VPS13D: variants seen among roughly 807,000 people sequenced by gnomAD.
VPS13D encodes the protein vacuolar protein sorting 13 homolog D.
VPS13D carries 187 observed loss-of-function variants against 461.9 expected under a neutral mutation model. The ratio of observed to expected loss-of-function variants is 0.40; its 90% confidence interval spans 0.36 to 0.46. The LOEUF is 0.46. VPS13D is among the 20% of genes least tolerant of loss of function. VPS13D has a pLI of 0.60. For synonymous variants in VPS13D, 1,951 were observed against 1,986.3 expected (o/e 0.98, Z 0.47); for missense variants, 4,711 against 5,364.9 (o/e 0.88, Z 3.81).
intron 17 of VPS13D, among the ~76,000 whole-genome samples, chr1:12,272,681 A>G (rs571035681): frequency 9.2e-5 from 14 of 152,248 alleles, no homozygotes; most frequent in South Asian, 2.1e-4. Context: ...TTAGAATTCT[A>G]TGTTTATTTG....
intron 65 of VPS13D, among the ~76,000 whole-genome samples, chr1:12,440,397 C>T (rs923588950): frequency 1.1e-4 from 17 of 151,944 alleles, no homozygotes; most frequent in African/African-American, 1.2e-4. Flanking sequence ...AGCTTGAATG[C>T]GAGGGAAAGC....
intron 21 of VPS13D, among the ~76,000 whole-genome samples, chr1:12,287,792 C>T (rs1190877096): frequency 1.3e-5 from 2 of 152,002 alleles, no homozygotes; most frequent in African/African-American, 4.8e-5. Context: ...TGGTGGGCTT[C>T]TATTAAATAT....
At chr1:12,421,467 A>G (rs949379725) in intron 65 of VPS13D, among the ~76,000 whole-genome samples, 14 of 152,214 alleles carry the variant, frequency 9.2e-5, no homozygotes, top group Middle Eastern at 3.2e-3. Context: ...TATCTGCAAG[A>G]CACTCTAACA....
Position 12,282,829 on chromosome 1 carries a change from C to G in VPS13D, c.4727C>G (p.Pro1576Arg), listed in dbSNP as rs745601161. 1.9e-6 allele frequency: 3 copies of G among 1,614,176 alleles called. No individual in the cohort carries two copies. The highest frequency in any genetic ancestry group is 1.1e-5 in the South Asian group (1 of 91,088). Residue 1576 changes from proline (P) to arginine (R), a missense_variant, in exon 21 of 70, where the codon CCT (proline) becomes CGT (arginine). This residue lies in a region of VPS13D where 4,411 missense variants were observed against 4,937.8 expected (regional missense o/e 0.89). Coordinates refer to ENST00000620676, the MANE Select transcript of VPS13D (RefSeq NM_015378.4). ...TSSPCPDSPL[P>R]PLSTCGESSV... ...TCCCCTTGCCCTGATTCTCCTCTGC[C>G]TCCCCTCAGTACCTGTGGAGAATCT...
chr1:12,383,248 T>C (rs576634939), intron 58 of VPS13D, 93 bp downstream of exon 58: 1 of 1,283,070 alleles, frequency 7.8e-7, no homozygotes, highest in East Asian at 2.5e-5. Flanking sequence ...AACATGTTTA[T>C]GCCAGATATG....
intron 66 of VPS13D, among the ~76,000 whole-genome samples, chr1:12,458,595 T>G (rs1645361509): frequency 1.3e-5 from 2 of 151,830 alleles, no homozygotes; most frequent in Admixed American, 1.3e-4. Context: ...GGGAAAGAGA[T>G]ATTGCCTCAC....
chr1:12,456,759 T>A (rs975967193), intron 66 of VPS13D, among the ~76,000 whole-genome samples: 3 of 152,082 alleles, frequency 2.0e-5, no homozygotes, highest in Non-Finnish European at 4.4e-5. Flanking sequence ...CGACAGCCGG[T>A]GAGAACTCCT....
rs764597791 is a variant in VPS13D, at chr1:12,271,339, CTG to C, written c.2103+219_2103+220del. Among the ~76,000 whole-genome samples the C allele has an allele frequency of 2.4e-4, 37 of 152,170 alleles. 1 individual carries two copies. The highest frequency in any genetic ancestry group is 4.6e-4 in the Non-Finnish European group (31 of 68,034). ...TAAAATGAATGACTGTGACTAGATT[CTG>C]TGTCTCCTTGCACCAGGATGAGGTT... On this transcript the variant is annotated intron_variant, in intron 17 of 69. Coordinates refer to ENST00000620676, the MANE Select transcript of VPS13D (RefSeq NM_015378.4).
In VPS13D at chr1:12,268,764, C is replaced by A; in HGVS notation, c.1860C>A (p.Ser620Arg). The part of the protein sequence containing the change: ...EMLYERNPAH[S>R]HFERRLNVST... ...TGTATGAGAGAAATCCGGCGCACAGCCACTTTGAGAGGCGGCTCAATGTCA... is the reference window on the plus strand; with the variant it reads ...TGTATGAGAGAAATCCGGCGCACAGACACTTTGAGAGGCGGCTCAATGTCA... The change falls in exon 16 of 70, where the codon AGC becomes AGA. Residue 620 changes from serine (S) to arginine (R), a missense_variant. Transcript: ENST00000620676. The A allele has an allele frequency of 6.2e-7, 1 of 1,614,096 alleles. No individual in the cohort carries two copies.
intron 20 of VPS13D, among the ~76,000 whole-genome samples, chr1:12,282,402 T>C (rs776713594): frequency 1.3e-5 from 2 of 152,210 alleles, no homozygotes; most frequent in Non-Finnish European, 2.9e-5. Context: ...TCAACACTCT[T>C]CAGTTTCTGC....
At position 12,311,691 on chromosome 1, in the gene VPS13D, A is replaced by C. The variant is rs559287633; in HGVS notation, c.6822+66A>C. 2.5e-6 allele frequency: 4 copies of C among 1,595,972 alleles called. No individual in the cohort carries two copies. The African/African-American group carries it at 5.4e-5, about 21-fold the overall frequency. On this transcript the variant is annotated intron_variant, in intron 28 of 69. Coordinates refer to ENST00000620676, the MANE Select transcript of VPS13D (RefSeq NM_015378.4). Reference sequence around the variant, plus strand: ...CAGCTGACGGTCACCCTGTGTATCTATTCCTCAAACTCACTTGGAGAAAGA... The same window carrying C: ...CAGCTGACGGTCACCCTGTGTATCTCTTCCTCAAACTCACTTGGAGAAAGA...
chr1:12,398,934 G>A (rs77639380), intron 60 of VPS13D, among the ~76,000 whole-genome samples: 2,879 of 152,248 alleles, frequency 0.019, 109 homozygotes, highest in Admixed American at 0.099. Context: ...CCACTGACCA[G>A]CAGTGTGACC....
chr1:12,382,351 C>T (rs961698614), intron 57 of VPS13D, among the ~76,000 whole-genome samples: 5 of 152,144 alleles, frequency 3.3e-5, no homozygotes, highest in African/African-American at 1.2e-4. Context: ...ATTCGCCCGC[C>T]TTGGCCTCCC....
chr1:12,326,321 A>ATTTTTTTTT (rs763042688), intron 35 of VPS13D, among the ~76,000 whole-genome samples: 26 of 49,264 alleles, frequency 5.3e-4, no homozygotes, highest in Admixed American at 9.6e-4. Flanking sequence ...AACCTTTTGG[A>ATTTTTTTTT]TTTTTTTTTT....
chr1:12,288,044 T>C lies in VPS13D; in HGVS notation c.5635-179T>C, dbSNP rs542408604. Among the ~76,000 whole-genome samples the C allele has an allele frequency of 5.3e-5, 8 of 152,366 alleles. No individual in the cohort carries two copies. In the South Asian group the frequency reaches 1.7e-3, roughly 32 times the overall value. On this transcript the variant is annotated intron_variant, in intron 21 of 69. Transcript: ENST00000620676. ...AATTTAGACTGTCCAGTCTCCGCCC[T>C]GTCCTCAGGTCGTGGTTTCTCTGGC... is the stretch of plus-strand genomic sequence containing the variant.
chr1:12,395,447 T>C (rs1343249430), intron 60 of VPS13D, among the ~76,000 whole-genome samples: 1 of 152,200 alleles, frequency 6.6e-6, no homozygotes, highest in Non-Finnish European at 1.5e-5. Context: ...CGTGCATCTT[T>C]CATTGCAGGT....
chr1:12,236,821 C>T (rs531114730), intron 2 of VPS13D, among the ~76,000 whole-genome samples: 10 of 152,160 alleles, frequency 6.6e-5, no homozygotes, highest in African/African-American at 2.2e-4. Context: ...TTCCATTTAC[C>T]AGTAACCTGG....
rs184656108 is a variant in VPS13D, at chr1:12,441,118, G to T, written c.12334-14880G>T. Among the ~76,000 whole-genome samples the T allele has an allele frequency of 3.9e-5, 6 of 152,154 alleles. No homozygotes were observed. The East Asian group carries it at 1.2e-3, about 30-fold the overall frequency. On this transcript the variant is annotated intron_variant, in intron 65 of 69. Transcript: ENST00000620676. The stretch of plus-strand genomic sequence containing the variant: ...TTTTTGTAATTTTAGTAGAGACGGG[G>T]TTTCGCCATGTTGACCAGGCTGGTC...
chr1:12,353,040 A>C (rs886351395), intron 46 of VPS13D, among the ~76,000 whole-genome samples: 1 of 151,564 alleles, frequency 6.6e-6, no homozygotes, highest in Non-Finnish European at 1.5e-5. Flanking sequence ...AAAAGAAATG[A>C]AGATATATGT....
Sources: gnomAD v4.1 joint callset for allele counts (sites outside exome capture counted in the v4.1 genomes callset) on GRCh38, gnomAD v4.1.1 for gene constraint, gnomAD v4.1.1 regional missense constraint, MANE v1.5 for transcripts, NCBI Gene and HGNC (gene_info 2026-07-23, HGNC 2026-07-21) for gene names.